The following CEP57L1 variants were observed in gnomAD, a reference collection of about 807,000 sequenced individuals.
CEP57L1 encodes the protein centrosomal protein 57 like 1, also known as centrosomal protein CEP57L1.
CEP57L1 carries 37 observed loss-of-function variants against 61.0 expected under a neutral mutation model. The ratio of observed to expected loss-of-function variants is 0.61; its 90% CI spans 0.47 to 0.80. The LOEUF (loss-of-function observed/expected upper bound fraction) is 0.80, where lower values mean the gene tolerates loss of function less well. Among genes scored for constraint, CEP57L1 ranks in the 30% least tolerant of loss-of-function variants. The pLI is 0.00. For synonymous variants in CEP57L1, 137 were observed against 162.3 expected, an observed-to-expected ratio of 0.84 and a Z score of 1.19; for missense variants, 422 against 524.7, an observed-to-expected ratio of 0.80 and a Z score of 1.91.
At chr6:109,119,126 G>A (rs918168363) in intron 1 of CEP57L1, among the ~76,000 whole-genome samples, 5 of 152,196 alleles carry the variant, frequency 3.3e-5, no homozygotes, top group Admixed American at 6.5e-5. Flanking sequence ...CATTAGAAAC[G>A]TGTTCACTCA....
chr6:109,149,515 A>T (rs1158620976), intron 3 of CEP57L1, among the ~76,000 whole-genome samples: 3 of 152,120 alleles, frequency 2.0e-5, no homozygotes, highest in Admixed American at 1.3e-4. Context: ...TGTTTTGGTT[A>T]CTGTAGCCTT....
Position 109,173,377 on chromosome 6 carries a change from G to T in CEP57L1, c.*10407G>T, listed in dbSNP as rs572590079. On this transcript the variant is annotated 3_prime_UTR_variant, in exon 11 of 11. Coordinates refer to ENST00000517392, the MANE Select transcript of CEP57L1 (RefSeq NM_001271852.3). ...CCTATTGAGAGTTTGAGATAAAGAAGAAAGGAATCTTTCCTTTCCTTCCCC... is the reference window on the plus strand; with the variant it reads ...CCTATTGAGAGTTTGAGATAAAGAATAAAGGAATCTTTCCTTTCCTTCCCC... 1.0e-3 allele frequency among the ~76,000 whole-genome samples: 155 copies of T among 150,362 alleles called. No homozygotes were observed. Among genetic ancestry groups the T allele is most frequent in the African/African-American group, 3.7e-3 (154 of 41,078 alleles).
chr6:109,137,809 A>G (rs1416268886), intron 1 of CEP57L1, among the ~76,000 whole-genome samples: 1 of 152,246 alleles, frequency 6.6e-6, no homozygotes, highest in Non-Finnish European at 1.5e-5. Context: ...TAGGGCAGTG[A>G]GAAGACAAAT....
At chr6:109,161,675 A>G (rs968667506) in intron 10 of CEP57L1, among the ~76,000 whole-genome samples, 2 of 152,124 alleles carry the variant, frequency 1.3e-5, no homozygotes, top group East Asian at 3.8e-4. Flanking sequence ...ATTGTTTTGG[A>G]GTGAAGATTA....
intron 1 of CEP57L1, among the ~76,000 whole-genome samples, chr6:109,101,620 T>TTC (rs1402948572): frequency 1.2e-3 from 173 of 149,370 alleles, no homozygotes; most frequent in African/African-American, 3.7e-3. Flanking sequence ...CTTTTTCTTT[T>TTC]TTCTTTTTTT....
chr6:109,169,226 C>CAAAAAAAA lies in CEP57L1; in HGVS notation c.*6270_*6277dup, dbSNP rs202070350. ...GAGCAGCAGAGTGAGGCTCCATCAGCAAAAAAAAAAAAAAAAAAAAAGATC... is the reference window on the plus strand; with the variant it reads ...GAGCAGCAGAGTGAGGCTCCATCAGCAAAAAAAAAAAAAAAAAAAAAAAAAAAAAGATC... On this transcript the variant is annotated 3_prime_UTR_variant, in exon 11 of 11. Coordinates refer to ENST00000517392, the MANE Select transcript of CEP57L1 (RefSeq NM_001271852.3). Among the ~76,000 whole-genome samples, 11 of 67,540 alleles carry CAAAAAAAA rather than the reference C, an allele frequency of 1.6e-4. No homozygotes were observed. The highest frequency in any genetic ancestry group is 6.5e-4 in the East Asian group (1 of 1,538). The allele number at this position is 67,540 out of a possible 152,430, so 44.3% of individuals were successfully genotyped here.
chr6:109,101,616 C>A (rs1486026203), intron 1 of CEP57L1, among the ~76,000 whole-genome samples: 1 of 126,554 alleles, frequency 7.9e-6, no homozygotes, highest in Non-Finnish European at 1.8e-5. Flanking sequence ...TTTTCTTTTT[C>A]TTTTTTCTTT....
At position 109,159,562 on chromosome 6, in the gene CEP57L1, G is replaced by A. The variant is rs1192469894; in HGVS notation, c.1016+100G>A. 11 of 1,080,176 alleles carry A rather than the reference G, an allele frequency of 1.0e-5. No individual in the cohort carries two copies. In the Admixed American group the frequency reaches 1.2e-4, roughly 12 times the overall value. The allele number at this position is 1,080,176 out of a possible 1,614,324, so 66.9% of individuals were successfully genotyped here. A position where few individuals can be genotyped will look rare whatever the true frequency, so the allele number is the denominator to read the frequency against. On this transcript the variant is annotated intron_variant, in intron 9 of 10. Transcript: ENST00000517392. Reference sequence around the variant, plus strand: ...GGTTTCAGGCAATCCTCCTGCCTCGGCCTCCCAAAGTGCTAGGATTACAAG... The same window carrying A: ...GGTTTCAGGCAATCCTCCTGCCTCGACCTCCCAAAGTGCTAGGATTACAAG...
intron 1 of CEP57L1, among the ~76,000 whole-genome samples, chr6:109,132,962 T>C (rs1176418654): frequency 6.6e-6 from 1 of 152,210 alleles, no homozygotes. Context: ...TTCTGATTTG[T>C]AGTTCTTCAG....
chr6:109,144,900 G>T (rs936538127), intron 1 of CEP57L1, among the ~76,000 whole-genome samples: 3 of 151,938 alleles, frequency 2.0e-5, no homozygotes, highest in Non-Finnish European at 4.4e-5. Context: ...TTATAGAGAA[G>T]TGCTCAGACT....
In CEP57L1 at chr6:109,145,201, T is replaced by TA. The variant is rs1437784361; in HGVS notation, c.-3-18_-3-17insA. On this transcript the variant is annotated splice_polypyrimidine_tract_variant and intron_variant, in intron 1 of 10. Coordinates refer to ENST00000517392, the MANE Select transcript of CEP57L1 (RefSeq NM_001271852.3). ...AATAGGAAAGCATGATACTATATCA[T>TA]TCCTTTATTCTCTACAGATAATGGA... The TA allele has an allele frequency of 5.4e-6, 8 of 1,474,526 alleles. No homozygotes were observed. The highest frequency in any genetic ancestry group is 7.3e-6 in the Non-Finnish European group (8 of 1,090,270). The allele number at this position is 1,474,526 out of a possible 1,614,324, so 91.3% of individuals were successfully genotyped here.
rs1773515290 is a variant in CEP57L1, at chr6:109,159,323, ACT to A, written c.878_879del (p.Thr293LysfsTer8). 6.8e-6 allele frequency: 11 copies of A among 1,613,984 alleles called. No individual in the cohort carries two copies. Among genetic ancestry groups the A allele is most frequent in the Non-Finnish European group, 9.3e-6 (11 of 1,180,008 alleles). On this transcript the variant is annotated frameshift_variant, in exon 9 of 11. Transcript: ENST00000517392. LOFTEE classifies it high-confidence loss of function. ...TCAGAAACCTTTTAACGTGACTGAG[ACT>A]AGATGTCTCCCCAAGCCTTCTAGAA... is the stretch of plus-strand genomic sequence containing the variant. ...ILQKPFNVTE[T>X]RCLPKPSRTT...
intron 1 of CEP57L1, among the ~76,000 whole-genome samples, chr6:109,123,850 C>G (rs955464085): frequency 1.3e-5 from 2 of 152,088 alleles, no homozygotes; most frequent in Non-Finnish European, 2.9e-5. Context: ...GGGCAGATCA[C>G]CTGATGACAG....
At chr6:109,135,018 C>G (rs1218215104) in intron 1 of CEP57L1, among the ~76,000 whole-genome samples, 1 of 152,104 alleles carries the variant, frequency 6.6e-6, no homozygotes, top group South Asian at 2.1e-4. Flanking sequence ...AATGCCATCC[C>G]CATCAAGCTA....
At chr6:109,124,057 C>T (rs1166101190) in intron 1 of CEP57L1, among the ~76,000 whole-genome samples, 3 of 151,438 alleles carry the variant, frequency 2.0e-5, no homozygotes, top group Non-Finnish European at 4.4e-5. Context: ...GCCCAGGCGA[C>T]AGAGTGAGAC....
chr6:109,129,660 T>A (rs1044569927), intron 1 of CEP57L1, among the ~76,000 whole-genome samples: 10 of 152,206 alleles, frequency 6.6e-5, no homozygotes, highest in African/African-American at 2.2e-4. Flanking sequence ...GGGTAAAATT[T>A]AAAAAGTCAC....
At chr6:109,161,493 C>T (rs1463410133) in intron 10 of CEP57L1, among the ~76,000 whole-genome samples, 1 of 152,008 alleles carries the variant, frequency 6.6e-6, no homozygotes, top group African/African-American at 2.4e-5. Flanking sequence ...ATGAATGTCA[C>T]AAATAAGCCT....
chr6:109,138,992 A>T (rs1771047470), intron 1 of CEP57L1, among the ~76,000 whole-genome samples: 1 of 152,230 alleles, frequency 6.6e-6, no homozygotes, highest in Non-Finnish European at 1.5e-5. Flanking sequence ...TTACCTTTTC[A>T]CTGAAAGAAA....
chr6:109,111,112 C>A (rs560322796), intron 1 of CEP57L1, among the ~76,000 whole-genome samples: 1 of 152,056 alleles, frequency 6.6e-6, no homozygotes, highest in African/African-American at 2.4e-5. Context: ...TAAATTACTT[C>A]GGGCAGTATG....
Sources: allele counts gnomAD v4.1 joint callset (sites outside exome capture counted in the v4.1 genomes callset), GRCh38; gene constraint gnomAD v4.1.1; transcripts MANE v1.5; gene names NCBI Gene and HGNC (gene_info 2026-07-23, HGNC 2026-07-21).